Variants in ATG16L2 observed in about 807,000 individuals in gnomAD.
ATG16L2 encodes autophagy related 16 like 2.
ATG16L2 carries 77 observed loss-of-function variants against 84.7 expected under a neutral mutation model. The ratio of observed to expected loss-of-function variants is 0.91; its 90% CI spans 0.76 to 1.10. The LOEUF (loss-of-function observed/expected upper bound fraction) is 1.10, where lower values mean the gene tolerates loss of function less well. ATG16L2 is among the 50% of genes least tolerant of loss of function. The probability of loss-of-function intolerance (pLI) is 0.00; values close to 1 mark genes in which losing one functional copy is unlikely to be tolerated. For missense variants in ATG16L2, 782 were observed against 817.6 expected (o/e 0.96, Z 0.53); for synonymous variants, 361 against 342.8 (o/e 1.05, Z -0.59).
chr11:72,828,597 CT>C, intron 15 of ATG16L2, 89 bp downstream of exon 15: 1 of 1,595,024 alleles, frequency 6.3e-7, no homozygotes, highest in South Asian at 1.1e-5. Flanking sequence ...GGAGCCCTCC[CT>C]GGAGGCCCCT....
At position 72,829,557 on chromosome 11, in the gene ATG16L2, G is replaced by A. The variant is rs202200166; in HGVS notation, c.*167G>A. 81 of 1,385,900 alleles carry A rather than the reference G, an allele frequency of 5.8e-5. No homozygotes were observed. In the East Asian group the frequency reaches 2.1e-3, roughly 36 times the overall value. 85.9% of individuals were successfully genotyped at this position (1,385,900 alleles called of 1,614,324 possible). A position where few individuals can be genotyped will look rare whatever the true frequency, so the allele number is the denominator to read the frequency against. On this transcript the variant is annotated 3_prime_UTR_variant, in exon 18 of 18. Transcript: ENST00000321297. Reference sequence around the variant, plus strand: ...TTTAAAAATGAAGTATGGGTTGGGGGATTACGCTAGTTTTTCTTTGTATTT... The same window carrying A: ...TTTAAAAATGAAGTATGGGTTGGGGAATTACGCTAGTTTTTCTTTGTATTT...
intron 3 of ATG16L2, chr11:72,820,243 GGGA>G (rs1287735399): frequency 6.6e-6 from 1 of 152,222 alleles, no homozygotes; most frequent in Non-Finnish European, 1.5e-5. Flanking sequence ...CCAGGAAACT[GGGA>G]TTGGTATGAA....
chr11:72,823,133 T>C lies in ATG16L2; in HGVS notation c.824+172T>C, dbSNP rs918139258. On this transcript the variant is annotated intron_variant, in intron 7 of 17. Transcript: ENST00000321297. Reference sequence around the variant, plus strand: ...TCTGACCTCCATTGTCTGGAGCCACTTGGGGTCAGTTCCATCTCACCCCCC... The same window carrying C: ...TCTGACCTCCATTGTCTGGAGCCACCTGGGGTCAGTTCCATCTCACCCCCC... The C allele has an allele frequency of 4.6e-5, 26 of 567,436 alleles. No individual in the cohort carries two copies. In the South Asian group the frequency reaches 5.3e-4, roughly 12 times the overall value. 35.2% of individuals were successfully genotyped at this position (567,436 alleles called of 1,614,324 possible). A position where few individuals can be genotyped will look rare whatever the true frequency, so the allele number is the denominator to read the frequency against.
At position 72,824,135 on chromosome 11, in the gene ATG16L2, G is replaced by A. The variant is rs1361560757; in HGVS notation, c.887+13G>A. The A allele has an allele frequency of 6.2e-7, 1 of 1,614,154 alleles. No homozygotes were observed. The highest frequency in any genetic ancestry group is 8.5e-7 in the Non-Finnish European group (1 of 1,179,994). On this transcript the variant is annotated intron_variant, in intron 8 of 17. Coordinates refer to ENST00000321297, the MANE Select transcript of ATG16L2 (RefSeq NM_033388.2). ...AGGGGCTTCTGGAGTAAGTGTGTGTGTGCCTGTGTGTGCACCCACGTGTGT... is the reference window on the plus strand; with the variant it reads ...AGGGGCTTCTGGAGTAAGTGTGTGTATGCCTGTGTGTGCACCCACGTGTGT...
chr11:72,826,280 C>T (rs1860346492), intron 11 of ATG16L2, 37 bp downstream of exon 11: 1 of 1,602,396 alleles, frequency 6.2e-7, no homozygotes, highest in African/African-American at 1.3e-5. Flanking sequence ...GGATTGTGCC[C>T]TCTCTGATCT....
intron 5 of ATG16L2, among the ~76,000 whole-genome samples, chr11:72,834,659 C>G (rs561073643): frequency 6.6e-6 from 1 of 151,684 alleles, no homozygotes; most frequent in Non-Finnish European, 1.5e-5. Context: ...CTTGGCTCAC[C>G]GCAACCTCTG....
chr11:72,838,601 C>T (rs1167200408), intron 5 of ATG16L2: 3 of 594,260 alleles, frequency 5.0e-6, no homozygotes, highest in Non-Finnish European at 6.0e-6. Context: ...TAGAAAATGA[C>T]AACAAAAAAA....
At chr11:72,821,228 G>A in intron 3 of ATG16L2, 1 of 995,234 alleles carries the variant, frequency 1.0e-6, no homozygotes, top group Non-Finnish European at 1.2e-6. Context: ...CTCCTGGTGT[G>A]GTGAGGATGG....
intron 14 of ATG16L2, among the ~76,000 whole-genome samples, chr11:72,827,857 C>A (rs1860451693): frequency 6.6e-6 from 1 of 152,178 alleles, no homozygotes; most frequent in African/African-American, 2.4e-5. Context: ...GGCTTGAACC[C>A]GGGAGGCAGA....
At chr11:72,833,017 C>CA (rs1437365243), downstream of ATG16L2, among the ~76,000 whole-genome samples, 1 of 152,218 alleles carries the variant, frequency 6.6e-6, no homozygotes, top group Non-Finnish European at 1.5e-5. Flanking sequence ...TGCCCAATCT[C>CA]AGGCCTTAGT....
In ATG16L2 at chr11:72,840,866, CAG is replaced by C. The variant is rs777215909; in HGVS notation, c.*22-1747_*22-1746del. 12 of 1,579,488 alleles carry C rather than the reference CAG, an allele frequency of 7.6e-6. No individual in the cohort carries two copies. In the South Asian group the frequency reaches 1.2e-4, roughly 16 times the overall value. Reference sequence around the variant, plus strand: ...TATGCATTCGATAATCCTGCAAGATCAGAGACTTACAGGTCGCAGTTTGCCAT... The same window carrying C: ...TATGCATTCGATAATCCTGCAAGATCAGACTTACAGGTCGCAGTTTGCCAT... On this transcript the variant is annotated intron_variant, in intron 5 of 5. Coordinates refer to the ATG16L2 transcript ENST00000534905.
Position 72,817,742 on chromosome 11 carries a change from T to C in ATG16L2, c.219-14T>C. 1 of 1,613,368 alleles carries C rather than the reference T, an allele frequency of 6.2e-7. No homozygotes were observed. Among genetic ancestry groups the C allele is most frequent in the Non-Finnish European group, 8.5e-7 (1 of 1,179,762 alleles). ...AACCGGGGGACATTGAGCACCACTC[T>C]GATTGGTTGGCAGGGAGGAGTCAGA... On this transcript the variant is annotated splice_polypyrimidine_tract_variant and intron_variant, in intron 2 of 17. Transcript: ENST00000321297.
chr11:72,829,676 A>G (rs1253701143), downstream of ATG16L2: 1 of 1,149,898 alleles, frequency 8.7e-7, no homozygotes, highest in Non-Finnish European at 1.1e-6. Flanking sequence ...TGGTACAGAG[A>G]CCTTTGGGCT....
chr11:72,843,073 C>A, exon 6 of ATG16L2: 1 of 1,391,464 alleles, frequency 7.2e-7, no homozygotes, highest in South Asian at 1.2e-5. Context: ...GCTTTTTATC[C>A]TACTGAAGGC....
chr11:72,841,781 T>C (rs542300319), intron 5 of ATG16L2, among the ~76,000 whole-genome samples: 2 of 152,334 alleles, frequency 1.3e-5, no homozygotes, highest in African/African-American at 4.8e-5. Flanking sequence ...CTTTTTCCTC[T>C]TACAGATCTC....
At chr11:72,820,997 C>T (rs1016418542) in intron 3 of ATG16L2, among the ~76,000 whole-genome samples, 1 of 152,148 alleles carries the variant, frequency 6.6e-6, no homozygotes, top group African/African-American at 2.4e-5. Flanking sequence ...CAGGGCCTCT[C>T]GCTGCTGAGA....
At chr11:72,828,030 C>T (rs1446911585) in intron 14 of ATG16L2, among the ~76,000 whole-genome samples, 1 of 152,268 alleles carries the variant, frequency 6.6e-6, no homozygotes, top group Non-Finnish European at 1.5e-5. Flanking sequence ...TGATCTCCAG[C>T]AATTACTGTT....
exon 6 of ATG16L2, chr11:72,842,789 T>C (rs371718185): frequency 2.6e-5 from 42 of 1,613,894 alleles, no homozygotes; most frequent in Non-Finnish European, 3.6e-5. Context: ...CAGGAAAAGA[T>C]AACTCATCAT....
chr11:72,831,908 C>T (rs749984022), downstream of ATG16L2, among the ~76,000 whole-genome samples: 20 of 152,222 alleles, frequency 1.3e-4, no homozygotes, highest in Non-Finnish European at 2.4e-4. Flanking sequence ...TGTTCAGACT[C>T]GCAGTTAGGC....
Sources: allele counts gnomAD v4.1 joint callset (sites outside exome capture counted in the v4.1 genomes callset), GRCh38; gene constraint gnomAD v4.1.1; transcripts MANE v1.5; gene names NCBI Gene and HGNC (gene_info 2026-07-23, HGNC 2026-07-21).